Variants in ADCY3 observed in about 807,000 individuals in gnomAD.
The protein encoded by ADCY3 is adenylate cyclase 3, also known as adenylate cyclase type 3.
A neutral mutation model predicts 119.4 loss-of-function variants in ADCY3; 70 were observed. That is an observed-to-expected ratio of 0.59 (90% CI 0.48 to 0.72). The LOEUF is 0.72. Among genes scored for constraint, ADCY3 ranks in the 30% least tolerant of loss-of-function variants. ADCY3 has a pLI of 0.00. For missense variants in ADCY3, 1,238 were observed against 1,541.6 expected (o/e 0.80, Z 3.30); for synonymous variants, 672 against 621.4 (o/e 1.08, Z -1.21).
At chr2:24,853,008 GTGTGTGTGTGTGTGTGTGTGT>G (rs1558455196) in intron 3 of ADCY3, among the ~76,000 whole-genome samples, 3,178 of 87,576 alleles carry the variant, frequency 0.036, 133 homozygotes, top group African/African-American at 0.059. Flanking sequence ...GCTGGAGGGT[GTGTGTGTGTGTGTGTGTGTGT>G]GTGTGTGTGT....
At chr2:24,837,717 C>A (rs777437798) in intron 8 of ADCY3, among the ~76,000 whole-genome samples, 45 of 152,136 alleles carry the variant, frequency 3.0e-4, no homozygotes, top group Non-Finnish European at 5.7e-4. Flanking sequence ...GTAAAGGGAT[C>A]CATTTCTGCA....
intron 13 of ADCY3, among the ~76,000 whole-genome samples, chr2:24,829,717 C>CAACCAATTACCCTTTTTGAGAGTTA (rs1467162270): frequency 3.8e-4 from 57 of 151,258 alleles, no homozygotes; most frequent in Non-Finnish European, 4.3e-4. Flanking sequence ...CCACTGCGCC[C>CAACCAATTACCCTTTTTGAGAGTTA]GGCACCGTGT....
chr2:24,892,747 A>T (rs1028796085), intron 2 of ADCY3, among the ~76,000 whole-genome samples: 1 of 152,220 alleles, frequency 6.6e-6, no homozygotes, highest in Non-Finnish European at 1.5e-5. Context: ...TCATTATGAA[A>T]TGTCCCTCGC....
At chr2:24,849,741 C>T (rs534752866) in intron 3 of ADCY3, among the ~76,000 whole-genome samples, 1 of 152,234 alleles carries the variant, frequency 6.6e-6, no homozygotes, top group South Asian at 2.1e-4. Context: ...CGGAACCTGA[C>T]AGAGGGGAAA....
chr2:24,889,251 T>G (rs1238266438), intron 2 of ADCY3, among the ~76,000 whole-genome samples: 1 of 152,348 alleles, frequency 6.6e-6, no homozygotes, highest in East Asian at 1.9e-4. Context: ...GCCTTCTTTC[T>G]GTATTTGAAG....
intron 2 of ADCY3, among the ~76,000 whole-genome samples, chr2:24,885,137 A>C (rs1157091338): frequency 6.6e-6 from 1 of 152,138 alleles, no homozygotes; most frequent in Non-Finnish European, 1.5e-5. Flanking sequence ...CACCTCTCCT[A>C]AATTCCAGTT....
chr2:24,918,525 G>A lies in ADCY3; in HGVS notation c.463C>T (p.Leu155=), dbSNP rs921990189. The A allele has an allele frequency of 6.2e-7, 1 of 1,613,894 alleles. No homozygotes were observed. Among genetic ancestry groups the A allele is most frequent in the African/African-American group, 1.3e-5 (1 of 74,944 alleles). ...TGGGCACGCGCGAAGTTCAGGCCCA[G>A]GTAGGAGAAGATCTGGGCGGTTATG... ...LLITAQIFSY[L]GLNFARAHAA... is the part of the protein sequence containing the mutation. Residue 155 remains leucine, a synonymous_variant, in exon 2 of 22, where the codon CTG becomes TTG. Transcript: ENST00000679454. The surrounding 1 kb of genome is among the most constrained non-coding windows in gnomAD (Gnocchi z 5.4).
chr2:24,888,481 A>T (rs982890620), intron 2 of ADCY3, among the ~76,000 whole-genome samples: 1 of 152,184 alleles, frequency 6.6e-6, no homozygotes, highest in Non-Finnish European at 1.5e-5. Context: ...GTGTCTGGGG[A>T]CACCAATTAA....
chr2:24,912,365 T>TG lies in ADCY3; in HGVS notation c.675+5947dup, dbSNP rs1188633711. On this transcript the variant is annotated intron_variant, in intron 2 of 21. Transcript: ENST00000679454. The stretch of plus-strand genomic sequence containing the variant: ...AAAACAAAAAGAATGTGTAATTTGG[T>TG]GGGGGGGCAGCCAGGGGCAGAGGGT... Among the ~76,000 whole-genome samples, 44 of 150,976 alleles carry TG rather than the reference T, an allele frequency of 2.9e-4. 1 individual carries two copies. The East Asian group carries it at 4.3e-3, about 15-fold the overall frequency.
Position 24,820,132 on chromosome 2 carries a change from G to A in ADCY3, c.3253-18C>T. 7.1e-7 allele frequency: 1 copy of A among 1,414,980 alleles called. No homozygotes were observed. The highest frequency in any genetic ancestry group is 9.4e-7 in the Non-Finnish European group (1 of 1,066,544). The allele number at this position is 1,414,980 out of a possible 1,614,324, so 87.7% of individuals were successfully genotyped here. A position where few individuals can be genotyped will look rare whatever the true frequency, so the allele number is the denominator to read the frequency against. The stretch of plus-strand genomic sequence containing the variant: ...TCTACCACCTGGAGAGGGAGGGGGA[G>A]CAAGAACGTGGCGTTACGGGGGGAG... On this transcript the variant is annotated intron_variant, in intron 21 of 21. Coordinates refer to ENST00000679454, the MANE Select transcript of ADCY3 (RefSeq NM_004036.5).
Position 24,898,718 on chromosome 2 carries a change from G to A in ADCY3, c.675+19595C>T, listed in dbSNP as rs1678569589. On this transcript the variant is annotated intron_variant, in intron 2 of 21. Transcript: ENST00000679454. The surrounding 1 kb of genome is among the most constrained non-coding windows in gnomAD (Gnocchi z 4.3). ...CACAGCTCCCGGCTCCAGGTCTCTGGGGAGACAACCCTTGCCTGGGGAAGC... is the reference window on the plus strand; with the variant it reads ...CACAGCTCCCGGCTCCAGGTCTCTGAGGAGACAACCCTTGCCTGGGGAAGC... 6.6e-6 allele frequency among the ~76,000 whole-genome samples: 1 copy of A among 152,098 alleles called. No homozygotes were observed. The highest frequency in any genetic ancestry group is 2.1e-4 in the South Asian group (1 of 4,828).
chr2:24,864,775 G>T (rs1324399940), intron 3 of ADCY3, among the ~76,000 whole-genome samples: 12 of 152,150 alleles, frequency 7.9e-5, no homozygotes, highest in Non-Finnish European at 1.6e-4. Flanking sequence ...TTCTGGAAAC[G>T]GACAGTGGTG....
At chr2:24,870,577 G>A (rs1295760832) in intron 3 of ADCY3, among the ~76,000 whole-genome samples, 1 of 152,070 alleles carries the variant, frequency 6.6e-6, no homozygotes, top group Non-Finnish European at 1.5e-5. Context: ...TCCATCCTGG[G>A]GCCAATGTCT....
chr2:24,841,355 C>T lies in ADCY3; in HGVS notation c.1100G>A (p.Gly367Asp). 6.2e-7 allele frequency: 1 copy of T among 1,607,166 alleles called. No individual in the cohort carries two copies. The highest frequency in any genetic ancestry group is 8.5e-7 in the Non-Finnish European group (1 of 1,177,196). The change falls in exon 6 of 22, where the codon GGC (glycine) becomes GAC (aspartate). Residue 367 changes from glycine (G) to aspartate (D), a missense_variant. Physicochemically the swap from Gly to Asp is moderately conservative, Grantham distance 94. Around this residue, in one of 7 missense-constraint regions of ADCY3, gnomAD observed 283 missense variants for 437.2 expected, o/e 0.65. Transcript: ENST00000679454. The surrounding 1 kb of genome is among the most constrained non-coding windows in gnomAD (Gnocchi z 5.8). ...KYHQLRIKIL[G>D]DCYYCICGLP... ...GCCGCAGATGCAGTAGTAGCAGTCG[C>T]CCAGGATCTTAATCCGCAGCTGGTG...
rs182000086 is a variant in ADCY3, at chr2:24,878,873, A to C, written c.676-6154T>G. On this transcript the variant is annotated intron_variant, in intron 2 of 21. Transcript: ENST00000679454. The surrounding 1 kb of genome is among the most constrained non-coding windows in gnomAD (Gnocchi z 4.0). The stretch of plus-strand genomic sequence containing the variant: ...CTACTCATTCTCCAGTCCTGCTTTG[A>C]GGCCCAGCACAGAATGTTCTGCACT... Among the ~76,000 whole-genome samples the C allele has an allele frequency of 3.7e-4, 57 of 152,304 alleles. No homozygotes were observed. The highest frequency in any genetic ancestry group is 3.4e-3 in the Middle Eastern group (1 of 294).
chr2:24,849,791 G>C (rs979723529), intron 3 of ADCY3, among the ~76,000 whole-genome samples: 1 of 152,178 alleles, frequency 6.6e-6, no homozygotes, highest in African/African-American at 2.4e-5. Context: ...CACGGAGGGA[G>C]GGGCCCTCCC....
intron 16 of ADCY3, among the ~76,000 whole-genome samples, chr2:24,825,358 G>GGGGT (rs1558404367): frequency 2.9e-5 from 2 of 69,308 alleles, no homozygotes; most frequent in Non-Finnish European, 7.1e-5. Context: ...GTGCGGGGGG[G>GGGGT]GTGTCTCACT....
At chr2:24,871,879 A>G (rs965439977) in intron 3 of ADCY3, among the ~76,000 whole-genome samples, 3 of 152,238 alleles carry the variant, frequency 2.0e-5, no homozygotes, top group Admixed American at 2.0e-4. Context: ...CGGCCATGGA[A>G]GAGACTGGAG....
intron 2 of ADCY3, among the ~76,000 whole-genome samples, chr2:24,908,022 A>G (rs1663099527): frequency 6.7e-6 from 1 of 149,468 alleles, no homozygotes; most frequent in Admixed American, 6.7e-5. Context: ...AAATACAAAA[A>G]TTAAGAGTAG....
Sources: gnomAD v4.1 joint callset for allele counts (sites outside exome capture counted in the v4.1 genomes callset) on GRCh38, gnomAD v4.1.1 for gene constraint, gnomAD v4.1.1 regional missense constraint, Gnocchi (gnomAD v3.1) non-coding constraint, MANE v1.5 for transcripts, NCBI Gene and HGNC (gene_info 2026-07-23, HGNC 2026-07-21) for gene names.